The following ANXA8 variants were observed in gnomAD, a reference collection of about 807,000 sequenced individuals.
ANXA8 encodes the protein VAC-beta.
ANXA8 carries 9 observed loss-of-function variants against 26.8 expected under a neutral mutation model. That is an observed-to-expected ratio of 0.34 (90% confidence interval 0.20 to 0.59). The LOEUF (loss-of-function observed/expected upper bound fraction) is 0.59, where lower values mean the gene tolerates loss of function less well. Among genes scored for constraint, ANXA8 ranks in the 20% least tolerant of loss-of-function variants. The probability of loss-of-function intolerance (pLI) is 0.84; values close to 1 mark genes in which losing one functional copy is unlikely to be tolerated. For synonymous variants in ANXA8, 39 were observed against 94.8 expected (o/e 0.41, Z 3.42); for missense variants, 83 against 238.5 (o/e 0.35, Z 4.29).
the ANXA8 span, among the ~76,000 whole-genome samples, chr10:47,513,063 T>A: frequency 9.2e-6 from 1 of 108,336 alleles, no homozygotes; most frequent in Non-Finnish European, 1.9e-5. Flanking sequence ...GATGGAGTCT[T>A]GCTCTGTTGC....
At chr10:47,651,085 G>A in the ANXA8 span, among the ~76,000 whole-genome samples, 1 of 151,494 alleles carries the variant, frequency 6.6e-6, no homozygotes, top group Non-Finnish European at 1.5e-5. Context: ...TGTAGTTCCA[G>A]CTAGTCGAGA....
At chr10:47,617,754 T>G in the ANXA8 span, among the ~76,000 whole-genome samples, 1 of 147,328 alleles carries the variant, frequency 6.8e-6, no homozygotes, top group African/African-American at 2.7e-5. Context: ...TTCTCAAAAA[T>G]GAGTAGAAAT....
At chr10:47,894,594 C>T in the ANXA8 span, among the ~76,000 whole-genome samples, 314 of 148,360 alleles carry the variant, frequency 2.1e-3, no homozygotes, top group Admixed American at 3.2e-3. Context: ...ATGCACCACA[C>T]ACACTGCACC....
the ANXA8 span, among the ~76,000 whole-genome samples, chr10:47,497,179 G>A: frequency 1.4e-5 from 2 of 142,594 alleles, no homozygotes; most frequent in African/African-American, 5.4e-5. Flanking sequence ...AATTAGCCAG[G>A]CATGGTGGTG....
the ANXA8 span, among the ~76,000 whole-genome samples, chr10:47,654,043 A>G: frequency 6.6e-6 from 1 of 151,856 alleles, no homozygotes; most frequent in Non-Finnish European, 1.5e-5. Flanking sequence ...CAAATTTCAC[A>G]TGTACAGGTT....
At chr10:47,551,516 C>A in the ANXA8 span, among the ~76,000 whole-genome samples, 1 of 151,814 alleles carries the variant, frequency 6.6e-6, no homozygotes, top group African/African-American at 2.4e-5. Context: ...GAATCAAATT[C>A]TATAAATTCT....
chr10:47,485,718 C>T (rs1286151568), upstream of ANXA8, among the ~76,000 whole-genome samples: 3 of 151,732 alleles, frequency 2.0e-5, no homozygotes, highest in Non-Finnish European at 2.9e-5. Context: ...TATGTTTAAC[C>T]TCTATGATAC....
At chr10:47,970,342 C>T in the ANXA8 span, 29 of 151,388 alleles carry the variant, frequency 1.9e-4, no homozygotes, top group East Asian at 4.4e-3. Context: ...GACTGAGCAG[C>T]TTGTGGCACT....
chr10:47,645,213 G>A, the ANXA8 span, among the ~76,000 whole-genome samples: 5 of 148,664 alleles, frequency 3.4e-5, no homozygotes, highest in African/African-American at 1.0e-4. Context: ...CAGAATCATT[G>A]TAAAATTCAC....
the ANXA8 span, among the ~76,000 whole-genome samples, chr10:47,618,037 C>T: frequency 1.3e-3 from 147 of 110,656 alleles, 14 homozygotes; most frequent in African/African-American, 5.0e-3. Context: ...GAATGGATGC[C>T]GGCAATTGAC....
the ANXA8 span, among the ~76,000 whole-genome samples, chr10:47,558,529 ATGTGTGTGTGTGTGTGTG>A: frequency 7.8e-5 from 11 of 141,488 alleles, no homozygotes; most frequent in South Asian, 2.3e-4. Flanking sequence ...GGGTTTTAAG[ATGTGTGTGTGTGTGTGTG>A]TGTGTGTGTG....
chr10:47,772,557 C>T, the ANXA8 span, among the ~76,000 whole-genome samples: 1 of 152,056 alleles, frequency 6.6e-6, no homozygotes, highest in Non-Finnish European at 1.5e-5. Context: ...TAAGAAATGG[C>T]TGTCAATGCC....
chr10:47,494,996 C>T, the ANXA8 span, among the ~76,000 whole-genome samples: 1 of 151,444 alleles, frequency 6.6e-6, no homozygotes, highest in Non-Finnish European at 1.5e-5. Context: ...GGAGCTGCAG[C>T]CATCAGTAGA....
At chr10:47,928,846 C>T in the ANXA8 span, among the ~76,000 whole-genome samples, 1 of 114,550 alleles carries the variant, frequency 8.7e-6, no homozygotes, top group East Asian at 2.4e-4. Context: ...ACTCGAACTC[C>T]TGGGCTCAAG....
chr10:47,628,253 C>G, the ANXA8 span, among the ~76,000 whole-genome samples: 1 of 152,080 alleles, frequency 6.6e-6, no homozygotes, highest in African/African-American at 2.4e-5. Context: ...TCTGAATGTT[C>G]TCTTAAAGAA....
At chr10:47,519,647 CT>C in the ANXA8 span, among the ~76,000 whole-genome samples, 1 of 33,950 alleles carries the variant, frequency 2.9e-5, no homozygotes, top group Non-Finnish European at 4.9e-5. Context: ...AATTAAACCT[CT>C]TTTTTGTTAT....
chr10:47,968,183 C>T, the ANXA8 span, among the ~76,000 whole-genome samples: 1 of 149,136 alleles, frequency 6.7e-6, no homozygotes, highest in Non-Finnish European at 1.5e-5. Context: ...CTGTCGTAAC[C>T]TGTAGATTCC....
chr10:47,945,379 T>C, the ANXA8 span, among the ~76,000 whole-genome samples: 8 of 150,694 alleles, frequency 5.3e-5, no homozygotes, highest in Non-Finnish European at 1.2e-4. Flanking sequence ...AAAACCCCTC[T>C]CCTCTTCAGA....
the ANXA8 span, among the ~76,000 whole-genome samples, chr10:47,674,320 C>CA: frequency 6.6e-6 from 1 of 150,678 alleles, no homozygotes; most frequent in Admixed American, 6.7e-5. Context: ...TTAATAGAGA[C>CA]AGAGTCTCAC....
Sources: gnomAD v4.1 joint callset for allele counts (sites outside exome capture counted in the v4.1 genomes callset) on GRCh38, gnomAD v4.1.1 for gene constraint, MANE v1.5 for transcripts, NCBI Gene and HGNC (gene_info 2026-07-23, HGNC 2026-07-21) for gene names.